The following SPTLC3 variants were observed in gnomAD, a reference collection of about 807,000 sequenced individuals.
SPTLC3 encodes the protein serine palmitoyltransferase 3.
In SPTLC3, 36 loss-of-function variants were observed where a neutral mutation model predicts 59.3. The observed-to-expected ratio is 0.61, with a 90% CI of 0.47 to 0.80. The LOEUF (loss-of-function observed/expected upper bound fraction) is 0.80, where lower values mean the gene tolerates loss of function less well. SPTLC3 is among the 30% of genes least tolerant of loss of function. SPTLC3 has a pLI of 0.00. For synonymous variants in SPTLC3, 257 were observed against 240.8 expected (o/e 1.07, Z -0.62); for missense variants, 625 against 685.1 (o/e 0.91, Z 0.98).
Position 13,104,988 on chromosome 20 carries a change from C to T in SPTLC3, c.827-5124C>T, listed in dbSNP as rs145227195. On this transcript the variant is annotated intron_variant, in intron 6 of 11. Transcript: ENST00000399002. ...ATTAACATAATGCAAGTGTAAGTGC[C>T]TTAATAAGCATCATTATTTTAAAAA... is the stretch of plus-strand genomic sequence containing the variant. Among the ~76,000 whole-genome samples the T allele has an allele frequency of 5.5e-3, 838 of 152,080 alleles. 2 individuals are homozygous for T. The highest frequency in any genetic ancestry group is 9.7e-3 in the Non-Finnish European group (662 of 67,984).
Position 13,163,404 on chromosome 20 carries a change from G to A in SPTLC3, c.1546-1350G>A, listed in dbSNP as rs78008393. Reference sequence around the variant, plus strand: ...AAAAAAAAAAAATAGAAATCCTAATGTTTTCCTCCTGCATCCTCCATAAAT... The same window carrying A: ...AAAAAAAAAAAATAGAAATCCTAATATTTTCCTCCTGCATCCTCCATAAAT... On this transcript the variant is annotated intron_variant, in intron 11 of 11. Coordinates refer to ENST00000399002, the MANE Select transcript of SPTLC3 (RefSeq NM_018327.4). 7.2e-3 allele frequency among the ~76,000 whole-genome samples: 1,029 copies of A among 143,808 alleles called. 7 individuals carry two copies. The highest frequency in any genetic ancestry group is 0.025 in the African/African-American group (983 of 39,334). 94.3% of individuals were successfully genotyped at this position (143,808 alleles called of 152,430 possible).
chr20:13,109,414 A>C (rs1990097152), intron 6 of SPTLC3, among the ~76,000 whole-genome samples: 1 of 152,040 alleles, frequency 6.6e-6, no homozygotes. Context: ...AGTTTACTCA[A>C]CTCCTCTGTG....
intron 9 of SPTLC3, among the ~76,000 whole-genome samples, chr20:13,140,395 G>A (rs2038352668): frequency 6.6e-6 from 1 of 152,140 alleles, no homozygotes; most frequent in African/African-American, 2.4e-5. Context: ...GCAAACCTCT[G>A]ATGTTCATCA....
At chr20:13,014,317 A>G (rs936685268) in intron 1 of SPTLC3, among the ~76,000 whole-genome samples, 3 of 152,222 alleles carry the variant, frequency 2.0e-5, no homozygotes, top group Non-Finnish European at 2.9e-5. Context: ...AACACAGAAG[A>G]ATGTGTATCT....
intron 10 of SPTLC3, among the ~76,000 whole-genome samples, chr20:13,158,717 G>T (rs1168641239): frequency 1.3e-5 from 2 of 152,094 alleles, no homozygotes; most frequent in African/African-American, 2.4e-5. Context: ...ATGTTGCCTC[G>T]CCCAAGCCAG....
chr20:13,066,116 A>G (rs1988199431), intron 2 of SPTLC3, among the ~76,000 whole-genome samples: 2 of 152,228 alleles, frequency 1.3e-5, no homozygotes, highest in Admixed American at 1.3e-4. Flanking sequence ...CTCTGCTCCT[A>G]TGATTTCAAT....
intron 4 of SPTLC3, among the ~76,000 whole-genome samples, chr20:13,090,044 C>G (rs529742518): frequency 6.6e-6 from 1 of 152,290 alleles, no homozygotes; most frequent in Admixed American, 6.5e-5. Context: ...CTCAATTGCA[C>G]TAACCACATG....
At chr20:13,114,286 G>C (rs1254097021) in intron 7 of SPTLC3, among the ~76,000 whole-genome samples, 2 of 152,162 alleles carry the variant, frequency 1.3e-5, no homozygotes, top group Non-Finnish European at 2.9e-5. Context: ...TCAGTGTTCT[G>C]AACTGTATGT....
intron 2 of SPTLC3, among the ~76,000 whole-genome samples, chr20:13,059,782 T>C (rs910914016): frequency 6.6e-6 from 1 of 152,214 alleles, no homozygotes; most frequent in African/African-American, 2.4e-5. Context: ...CCCTTGATTT[T>C]AAGATCTTTT....
At chr20:13,088,923 C>T (rs1313029663) in intron 4 of SPTLC3, among the ~76,000 whole-genome samples, 1 of 151,846 alleles carries the variant, frequency 6.6e-6, no homozygotes, top group Non-Finnish European at 1.5e-5. Context: ...GGGCCACGCG[C>T]CCAGCCTAGA....
chr20:13,116,487 T>C (rs1328173254), intron 7 of SPTLC3, among the ~76,000 whole-genome samples: 1 of 152,094 alleles, frequency 6.6e-6, no homozygotes, highest in Non-Finnish European at 1.5e-5. Flanking sequence ...GTCCCAGAGG[T>C]GCCATGTAAA....
chr20:13,081,046 C>T (rs1334183490), intron 4 of SPTLC3, among the ~76,000 whole-genome samples: 2 of 152,126 alleles, frequency 1.3e-5, no homozygotes. Flanking sequence ...TTCCTCCTGT[C>T]GACCTAAAGA....
intron 7 of SPTLC3, among the ~76,000 whole-genome samples, chr20:13,114,641 T>TC (rs1189608520): frequency 6.6e-6 from 1 of 152,226 alleles, no homozygotes; most frequent in Non-Finnish European, 1.5e-5. Flanking sequence ...TGGTAAACTG[T>TC]CACCTGTATC....
intron 1 of SPTLC3, among the ~76,000 whole-genome samples, chr20:13,022,238 C>A (rs1985922643): frequency 6.6e-6 from 1 of 152,108 alleles, no homozygotes; most frequent in African/African-American, 2.4e-5. Context: ...ATGAGCTGAC[C>A]TTCACAGCAC....
chr20:13,144,762 TG>T (rs2038467763), intron 9 of SPTLC3, among the ~76,000 whole-genome samples: 4 of 152,088 alleles, frequency 2.6e-5, no homozygotes, highest in Non-Finnish European at 5.9e-5. Flanking sequence ...TATGTGTGTG[TG>T]TGTGTATATA....
At chr20:13,033,578 C>T (rs1172123279) in intron 1 of SPTLC3, among the ~76,000 whole-genome samples, 2 of 152,088 alleles carry the variant, frequency 1.3e-5, no homozygotes, top group Non-Finnish European at 2.9e-5. Context: ...CAAGGGATGT[C>T]AGAAATGTAG....
chr20:13,164,996 C>A lies in SPTLC3; in HGVS notation c.*129C>A. The A allele has an allele frequency of 1.5e-6, 1 of 661,470 alleles. No individual in the cohort carries two copies. The highest frequency in any genetic ancestry group is 2.5e-6 in the Non-Finnish European group (1 of 393,656). The allele number at this position is 661,470 out of a possible 1,614,324, so 41.0% of individuals were successfully genotyped here. A position where few individuals can be genotyped will look rare whatever the true frequency, so the allele number is the denominator to read the frequency against. ...TGGTTCCCAGACCAGCTTGATTGAA[C>A]TGAGGGAGACGTTGTTGTTTTTAAT... On this transcript the variant is annotated 3_prime_UTR_variant, in exon 12 of 12. Transcript: ENST00000399002.
chr20:13,103,585 G>A (rs139128789), intron 6 of SPTLC3, among the ~76,000 whole-genome samples: 24 of 152,324 alleles, frequency 1.6e-4, no homozygotes, highest in African/African-American at 5.5e-4. Context: ...TCTAAATGCA[G>A]ATGAAAGTAG....
intron 8 of SPTLC3, among the ~76,000 whole-genome samples, chr20:13,125,670 T>A (rs1335588818): frequency 6.6e-6 from 1 of 152,186 alleles, no homozygotes; most frequent in African/African-American, 2.4e-5. Context: ...GCTGGAATGG[T>A]CCTTCTCTGT....
Sources: allele counts gnomAD v4.1 joint callset (sites outside exome capture counted in the v4.1 genomes callset), GRCh38; gene constraint gnomAD v4.1.1; transcripts MANE v1.5; gene names NCBI Gene and HGNC (gene_info 2026-07-23, HGNC 2026-07-21).